The following DMXL2 variants were observed in gnomAD, a reference collection of about 807,000 sequenced individuals.
DMXL2 encodes dmX-like protein 2.
In DMXL2, 103 loss-of-function variants were observed where a neutral mutation model predicts 331.1. That is an observed-to-expected ratio of 0.31 (90% CI 0.27 to 0.37). The LOEUF is 0.37. Among genes scored for constraint, DMXL2 ranks in the 10% least tolerant of loss-of-function variants. DMXL2 has a pLI of 1.00. For missense variants in DMXL2, 3,171 were observed against 3,642.9 expected (o/e 0.87, Z 3.33); for synonymous variants, 1,281 against 1,252.1 (o/e 1.02, Z -0.49).
intron 2 of DMXL2, among the ~76,000 whole-genome samples, chr15:51,574,908 T>C (rs1278163599): frequency 6.6e-6 from 1 of 152,166 alleles, no homozygotes; most frequent in African/African-American, 2.4e-5. Context: ...CTGACAACTA[T>C]CATACAACTT....
In DMXL2 at chr15:51,539,004, G is replaced by A. The variant is rs549605777; in HGVS notation, c.1106-552C>T. Among the ~76,000 whole-genome samples, 4 of 152,122 alleles carry A rather than the reference G, an allele frequency of 2.6e-5. No individual in the cohort carries two copies. In the South Asian group the frequency reaches 6.2e-4, roughly 24 times the overall value. Reference sequence around the variant, plus strand: ...GCGGGTGGATTGCCTGAGCTCAGGAGATCGAGACCAGCCTGGGCAACACGG... The same window carrying A: ...GCGGGTGGATTGCCTGAGCTCAGGAAATCGAGACCAGCCTGGGCAACACGG... On this transcript the variant is annotated intron_variant, in intron 9 of 43. Coordinates refer to ENST00000560891, the MANE Select transcript of DMXL2 (RefSeq NM_001378457.1).
chr15:51,566,419 T>G (rs1302851771), intron 3 of DMXL2, among the ~76,000 whole-genome samples: 2 of 152,196 alleles, frequency 1.3e-5, no homozygotes, highest in African/African-American at 4.8e-5. Context: ...AACAAATCTA[T>G]TTTAGTGTAG....
At chr15:51,490,914 C>T (rs1307513854) in intron 20 of DMXL2, among the ~76,000 whole-genome samples, 1 of 152,078 alleles carries the variant, frequency 6.6e-6, no homozygotes, top group Non-Finnish European at 1.5e-5. Context: ...GCAGAGAGTC[C>T]TTTGTATAAA....
chr15:51,450,508 A>C, intron 42 of DMXL2, 162 bp from the exon 43 acceptor site: 2 of 702,686 alleles, frequency 2.8e-6, no homozygotes, highest in Non-Finnish European at 4.7e-6. Flanking sequence ...CACATGATTA[A>C]AGAAAAATGT....
At chr15:51,551,740 G>C (rs2140968896) in intron 6 of DMXL2, among the ~76,000 whole-genome samples, 1 of 152,298 alleles carries the variant, frequency 6.6e-6, no homozygotes, top group South Asian at 2.1e-4. Flanking sequence ...TATGTGAATG[G>C]CTGGGGATAT....
intron 13 of DMXL2, among the ~76,000 whole-genome samples, chr15:51,518,574 G>A (rs574486561): frequency 1.5e-4 from 23 of 152,142 alleles, no homozygotes; most frequent in Non-Finnish European, 2.6e-4. Flanking sequence ...GGATTCATGC[G>A]TATATTAAAG....
intron 2 of DMXL2, among the ~76,000 whole-genome samples, chr15:51,574,579 T>A (rs879414930): frequency 1.3e-5 from 2 of 152,184 alleles, no homozygotes; most frequent in African/African-American, 2.4e-5. Flanking sequence ...AAAAGTGTTG[T>A]GAATAATTCC....
chr15:51,573,222 T>C (rs933439655), intron 2 of DMXL2, among the ~76,000 whole-genome samples: 1 of 152,162 alleles, frequency 6.6e-6, no homozygotes, highest in African/African-American at 2.4e-5. Flanking sequence ...TGTGGAGAAA[T>C]AGGAACGCTT....
At chr15:51,459,945 C>A in intron 33 of DMXL2, 1 of 984,066 alleles carries the variant, frequency 1.0e-6, no homozygotes, top group Non-Finnish European at 1.2e-6. Context: ...ATCTAAGTTA[C>A]ATAACTGGTA....
intron 6 of DMXL2, among the ~76,000 whole-genome samples, chr15:51,547,856 G>C (rs1235653137): frequency 1.3e-5 from 2 of 152,070 alleles, no homozygotes; most frequent in African/African-American, 4.8e-5. Flanking sequence ...TCTATATCAA[G>C]AGTCAGCAAA....
rs2048251182 is a variant in DMXL2, at chr15:51,535,728, T to C, written c.2371A>G (p.Arg791Gly). 9 of 1,610,044 alleles carry C rather than the reference T, an allele frequency of 5.6e-6. No individual in the cohort carries two copies. Among genetic ancestry groups the C allele is most frequent in the Non-Finnish European group, 6.8e-6 (8 of 1,178,066 alleles). ...GCATCCACTACAGCTTGATAGAGTC[T>C]CAGATTTTTGCCATCAGAAGCAACA... ...CFVASDGKNLRLYQAVVDARK... is the reference protein window; with the variant it reads ...CFVASDGKNLGLYQAVVDARK... The change falls in exon 13 of 44, where the codon AGA (arginine) becomes GGA (glycine). Residue 791 changes from arginine (R) to glycine (G), a missense_variant. Around this residue, in one of 7 missense-constraint regions of DMXL2, gnomAD observed 1,674 missense variants for 1,780.2 expected, o/e 0.94. Transcript: ENST00000560891.
At chr15:51,486,950 A>C (rs948307097) in intron 22 of DMXL2, among the ~76,000 whole-genome samples, 2 of 152,118 alleles carry the variant, frequency 1.3e-5, no homozygotes, top group African/African-American at 4.8e-5. Flanking sequence ...GCCTGGGATA[A>C]TTGTAAAAAA....
At chr15:51,483,430 G>T (rs950110031) in intron 23 of DMXL2, among the ~76,000 whole-genome samples, 1 of 152,182 alleles carries the variant, frequency 6.6e-6, no homozygotes, top group African/African-American at 2.4e-5. Flanking sequence ...CTATGACTTT[G>T]GTCCTGCATG....
chr15:51,541,011 C>T (rs529870104), intron 9 of DMXL2, among the ~76,000 whole-genome samples: 69 of 152,210 alleles, frequency 4.5e-4, no homozygotes, highest in African/African-American at 1.5e-3. Flanking sequence ...CAGACTATCA[C>T]GAATTGCATT....
chr15:51,451,810 G>T, intron 41 of DMXL2, 113 bp from the exon 42 acceptor site: 1 of 851,966 alleles, frequency 1.2e-6, no homozygotes, highest in African/African-American at 1.7e-5. Context: ...TATCTTTTTT[G>T]TTCACTCACA....
rs2048286786 is a variant in DMXL2 at position 51,536,364 on chromosome 15, G to A, written c.2116C>T (p.Pro706Ser). Residue 706 changes from proline (P) to serine (S), a missense_variant, in exon 12 of 44, where the codon CCT becomes TCT. By Grantham distance (74) the Pro-to-Ser change is moderately conservative. Transcript: ENST00000560891. ...GTACGAGTTGCTGCATTTCTAAGAG[G>A]TTGTTTCGAGGAACCTTTTATATGT... is the stretch of plus-strand genomic sequence containing the variant. Reference protein sequence around the residue: ...VKHIKGSSKQPLRNAATRTFH... With the variant: ...VKHIKGSSKQSLRNAATRTFH... The A allele has an allele frequency of 6.2e-7, 1 of 1,613,656 alleles. No individual in the cohort carries two copies. Among genetic ancestry groups the A allele is most frequent in the Non-Finnish European group, 8.5e-7 (1 of 1,179,862 alleles).
chr15:51,595,908 C>A (rs1186682012), intron 1 of DMXL2, among the ~76,000 whole-genome samples: 1 of 152,102 alleles, frequency 6.6e-6, no homozygotes, highest in East Asian at 1.9e-4. Context: ...ACACCTTATA[C>A]AAAAATTAAT....
chr15:51,612,904 T>C (rs1025921346), intron 1 of DMXL2, among the ~76,000 whole-genome samples: 37 of 152,134 alleles, frequency 2.4e-4, no homozygotes, highest in Non-Finnish European at 3.8e-4. Flanking sequence ...AAAGCAGCCA[T>C]TTTAGAGGCC....
rs1483464582 is a variant in DMXL2 at position 51,514,310 on chromosome 15, T to C, written c.2644+132A>G. 10 of 574,364 alleles carry C rather than the reference T, an allele frequency of 1.7e-5. No individual in the cohort carries two copies. The East Asian group carries it at 2.8e-4, about 16-fold the overall frequency. The allele number at this position is 574,364 out of a possible 1,614,324, so 35.6% of individuals were successfully genotyped here. On this transcript the variant is annotated intron_variant, in intron 15 of 43. Coordinates refer to ENST00000560891, the MANE Select transcript of DMXL2 (RefSeq NM_001378457.1). Reference sequence around the variant, plus strand: ...CCTCTTCATCTACAAGCAAGCAATTTTGACAGAACTAACTGGTGAATCTGT... The same window carrying C: ...CCTCTTCATCTACAAGCAAGCAATTCTGACAGAACTAACTGGTGAATCTGT...
Sources: gnomAD v4.1 joint callset for allele counts (sites outside exome capture counted in the v4.1 genomes callset) on GRCh38, gnomAD v4.1.1 for gene constraint, gnomAD v4.1.1 regional missense constraint, MANE v1.5 for transcripts, NCBI Gene and HGNC (gene_info 2026-07-23, HGNC 2026-07-21) for gene names.